The following TLE2 variants were observed in gnomAD, a reference collection of about 807,000 sequenced individuals.
The protein encoded by TLE2 is TLE family member 2, transcriptional corepressor.
TLE2 carries 74 observed loss-of-function variants against 97.2 expected under a neutral mutation model. The ratio of observed to expected loss-of-function variants is 0.76; its 90% confidence interval spans 0.63 to 0.92. TLE2 has a LOEUF of 0.92. Ranked by LOEUF, TLE2 falls within the 40% of genes least tolerant of loss-of-function variation. The pLI is 0.00. For missense variants in TLE2, 1,038 were observed against 1,008.7 expected (o/e 1.03, Z -0.39); for synonymous variants, 499 against 432.1 (o/e 1.15, Z -1.92).
intron 5 of TLE2, among the ~76,000 whole-genome samples, chr19:3,020,940 T>A (rs2089825216): frequency 6.7e-6 from 1 of 150,036 alleles, no homozygotes; most frequent in Non-Finnish European, 1.5e-5. Flanking sequence ...ACAAAAAAAA[T>A]TAGCCAGACG....
intron 1 of TLE2, among the ~76,000 whole-genome samples, chr19:3,036,742 T>TCA (rs34462423): frequency 0.24 from 36,007 of 152,124 alleles, 4,310 homozygotes; most frequent in East Asian, 0.31. Flanking sequence ...TGGACAAAAC[T>TCA]TTCATGAAAC....
At chr19:3,032,405 T>C (rs1245917221), upstream of TLE2, among the ~76,000 whole-genome samples, 1 of 151,974 alleles carries the variant, frequency 6.6e-6, no homozygotes, top group Admixed American at 6.6e-5. This position sits in a 1 kb window ranked among gnomAD's most constrained non-coding sequence, Gnocchi z 4.1. Flanking sequence ...GCCTGGCTAA[T>C]TTTTATGTTT....
rs1324209625 is a variant in TLE2, at chr19:3,024,309, T to A, written c.294+711A>T. 2.6e-5 allele frequency among the ~76,000 whole-genome samples: 4 copies of A among 151,976 alleles called. No homozygotes were observed. In the East Asian group the frequency reaches 7.7e-4, roughly 29 times the overall value. ...GCAGGAGCCACCGCACCTGGCCGAA[T>A]TACAGTCCATTTTAACCATTTGTAA... is the stretch of plus-strand genomic sequence containing the variant. On this transcript the variant is annotated intron_variant, in intron 5 of 19. Transcript: ENST00000262953.
intron 1 of TLE2, 31 bp downstream of exon 1, chr19:3,028,850 T>G: frequency 6.2e-7 from 1 of 1,610,914 alleles, no homozygotes; most frequent in African/African-American, 1.3e-5. Context: ...TCCCGGACAC[T>G]GGGGGCCCCC....
intron 8 of TLE2, 45 bp from the exon 9 acceptor site, chr19:3,015,805 G>A: frequency 7.0e-7 from 1 of 1,432,290 alleles, no homozygotes. Flanking sequence ...CAGGGCCCTG[G>A]GCTCCTAGAT....
upstream of TLE2, chr19:3,045,887 C>T (rs1209585409): frequency 3.0e-6 from 1 of 332,532 alleles, no homozygotes; most frequent in Non-Finnish European, 6.2e-6. Flanking sequence ...TCCAGATTCC[C>T]TGGCTCTGTG....
At chr19:3,018,523 C>T (rs1156712276) in intron 7 of TLE2, among the ~76,000 whole-genome samples, 1 of 151,964 alleles carries the variant, frequency 6.6e-6, no homozygotes, top group Non-Finnish European at 1.5e-5. Flanking sequence ...AAACTCCTGA[C>T]CTCAGGTGAT....
chr19:3,010,085 C>T (rs1190161750), intron 12 of TLE2, among the ~76,000 whole-genome samples: 6 of 150,508 alleles, frequency 4.0e-5, no homozygotes, highest in East Asian at 4.0e-4. Context: ...CCAGGCCCAC[C>T]GAGCACAGTG....
chr19:3,009,562 C>T lies in TLE2; in HGVS notation c.1153G>A (p.Val385Met). Residue 385 changes from valine (V) to methionine (M), a missense_variant, in exon 13 of 20, where the codon GTG (valine) becomes ATG (methionine). Val to Met is a conservative substitution (Grantham distance 21). Transcript: ENST00000262953. ...CTCACCACGGGGGAGCGTCCGTACA[C>T]CACAGAGCTGCTGACCTGGGGGGAC... ...HLSPQVSSSVVYGRSPVMAFE... is the reference protein window; with the variant it reads ...HLSPQVSSSVMYGRSPVMAFE... 1 of 1,613,050 alleles carries T rather than the reference C, an allele frequency of 6.2e-7. No individual in the cohort carries two copies. The highest frequency in any genetic ancestry group is 1.7e-4 in the Middle Eastern group (1 of 6,000).
intron 14 of TLE2, among the ~76,000 whole-genome samples, chr19:3,008,600 G>A (rs537804968): frequency 6.6e-5 from 10 of 152,142 alleles, no homozygotes; most frequent in Non-Finnish European, 1.0e-4. Context: ...ACAGGTGCCC[G>A]CCACCACGTC....
At chr19:3,028,661 G>A (rs1405464996) in intron 2 of TLE2, 45 bp downstream of exon 2, 2 of 1,598,828 alleles carry the variant, frequency 1.3e-6, no homozygotes, top group South Asian at 1.1e-5. Context: ...GCCCCGCCCC[G>A]GCGCCCAGGT....
Position 3,025,070 on chromosome 19 carries a change from T to C in TLE2, c.244A>G (p.Lys82Glu). The C allele has an allele frequency of 6.2e-7, 1 of 1,604,918 alleles. No individual in the cohort carries two copies. Among genetic ancestry groups the C allele is most frequent in the South Asian group, 1.1e-5 (1 of 88,692 alleles). ...IEMHKQAEIV[K>E]RLSGICAQII... ...TGAGCGCAGATACCGCTCAGACGCT[T>C]CACAATCTCCGCCTGGCAGGAAGCA... The change falls in exon 5 of 20, where the codon AAG (lysine) becomes GAG (glutamate). Residue 82 changes from lysine to glutamate, a missense_variant. Transcript: ENST00000262953.
At chr19:3,022,868 C>T (rs1304709358) in intron 5 of TLE2, among the ~76,000 whole-genome samples, 1 of 152,070 alleles carries the variant, frequency 6.6e-6, no homozygotes, top group African/African-American at 2.4e-5. Flanking sequence ...TCTGTTGCAA[C>T]TACCAAACTC....
At chr19:3,031,342 TTGTGTGTGTGTGTGTGTG>T (rs60898410), upstream of TLE2, among the ~76,000 whole-genome samples, 8 of 139,900 alleles carry the variant, frequency 5.7e-5, no homozygotes, top group African/African-American at 1.3e-4. Context: ...AAAGATACAA[TTGTGTGTGTGTGTGTGTG>T]TGTGTGTGTG....
intron 1 of TLE2, among the ~76,000 whole-genome samples, chr19:3,042,683 A>G (rs943804193): frequency 6.6e-6 from 1 of 150,714 alleles, no homozygotes; most frequent in Admixed American, 6.7e-5. Flanking sequence ...CCTGAGTTCT[A>G]TTTGCTTCAT....
At chr19:3,029,558 C>CGG (rs756651385), upstream of TLE2, 20,295 of 225,158 alleles carry the variant, frequency 0.09, 2,044 homozygotes, top group East Asian at 0.27. Context: ...ACCGTGGGAG[C>CGG]GGGGGGGGGG....
At chr19:2,998,276 T>TGTG (rs1339449267) in intron 19 of TLE2, among the ~76,000 whole-genome samples, 5 of 76,018 alleles carry the variant, frequency 6.6e-5, no homozygotes, top group African/African-American at 1.6e-4. Flanking sequence ...TGTGTGTGTG[T>TGTG]AATTTTTTTT....
intron 1 of TLE2, among the ~76,000 whole-genome samples, chr19:3,041,008 TATATA>T (rs200453370): frequency 4.4e-4 from 18 of 41,246 alleles, no homozygotes; most frequent in African/African-American, 2.3e-3. Context: ...TATATATATA[TATATA>T]TTTTTTTTTT....
At chr19:3,025,383 G>A (rs756226095) in intron 4 of TLE2, 2 of 1,190,318 alleles carry the variant, frequency 1.7e-6, no homozygotes, top group Non-Finnish European at 2.1e-6. Context: ...TTTGCAGGAG[G>A]CAGACGCTCA....
Sources: gnomAD v4.1 joint callset for allele counts (sites outside exome capture counted in the v4.1 genomes callset) on GRCh38, gnomAD v4.1.1 for gene constraint, Gnocchi (gnomAD v3.1) non-coding constraint, MANE v1.5 for transcripts, NCBI Gene and HGNC (gene_info 2026-07-23, HGNC 2026-07-21) for gene names.